The following ESYT2 variants were observed in gnomAD, a reference collection of about 807,000 sequenced individuals.
ESYT2 encodes the protein extended synaptotagmin 2.
Under a neutral mutation model 107.2 loss-of-function variants are expected in ESYT2, and 54 were observed. The ratio of observed to expected loss-of-function variants is 0.50; its 90% confidence interval spans 0.40 to 0.63. The LOEUF is 0.63. ESYT2 is among the 30% of genes least tolerant of loss of function. The pLI is 0.00. For missense variants in ESYT2, 1,020 were observed against 1,094.5 expected (o/e 0.93, Z 0.96); for synonymous variants, 491 against 434.1 (o/e 1.13, Z -1.63).
At chr7:158,797,570 T>C (rs764035590) in intron 3 of ESYT2, among the ~76,000 whole-genome samples, 8 of 152,008 alleles carry the variant, frequency 5.3e-5, no homozygotes, top group Non-Finnish European at 1.0e-4. Context: ...AAAATGTGTT[T>C]TTCGGCCAGG....
At chr7:158,821,784 C>G in intron 1 of ESYT2, among the ~76,000 whole-genome samples, 1 of 152,354 alleles carries the variant, frequency 6.6e-6, no homozygotes, top group East Asian at 1.9e-4. Flanking sequence ...CATTTCCCTC[C>G]AGATGAGACG....
intron 13 of ESYT2, among the ~76,000 whole-genome samples, chr7:158,755,671 A>G (rs933252053): frequency 2.0e-5 from 3 of 152,190 alleles, no homozygotes; most frequent in Non-Finnish European, 2.9e-5. Flanking sequence ...CTTTGACTTT[A>G]AAAAGGCCTT....
Position 158,751,156 on chromosome 7 carries a change from T to C in ESYT2, c.1483-1433A>G, listed in dbSNP as rs568239256. 3.3e-4 allele frequency among the ~76,000 whole-genome samples: 50 copies of C among 152,250 alleles called. No individual in the cohort carries two copies. The South Asian group carries it at 8.9e-3, about 27-fold the overall frequency. On this transcript the variant is annotated intron_variant, in intron 14 of 22. Transcript: ENST00000275418. The stretch of plus-strand genomic sequence containing the variant: ...ATAATATATACCTTTTTGGGGGAGG[T>C]TGGCAGTAGTGAGAGTTGTCACTGC...
intron 3 of ESYT2, among the ~76,000 whole-genome samples, chr7:158,795,248 C>T (rs1839423663): frequency 6.6e-6 from 1 of 152,194 alleles, no homozygotes; most frequent in African/African-American, 2.4e-5. Context: ...ACTTGTAAGA[C>T]ATTGGTACAG....
intron 18 of ESYT2, among the ~76,000 whole-genome samples, chr7:158,740,633 C>T (rs1348176554): frequency 6.6e-6 from 1 of 152,172 alleles, no homozygotes; most frequent in Non-Finnish European, 1.5e-5. Flanking sequence ...CCCCTAAGAT[C>T]ATTTCTACTT....
chr7:158,767,803 C>T lies in ESYT2; in HGVS notation c.804-29G>A, dbSNP rs377463871. The T allele has an allele frequency of 3.2e-5, 51 of 1,596,696 alleles. 1 individual carries two copies. The highest frequency in any genetic ancestry group is 2.4e-4 in the African/African-American group (18 of 74,680). ...TTAGTTGGGAGACAAAAAGAGCAAA[C>T]GGACTATCAGACATGTGAATGCTTC... On this transcript the variant is annotated intron_variant, in intron 7 of 22. Coordinates refer to ENST00000275418, the MANE Select transcript of ESYT2 (RefSeq NM_001367773.1).
intron 10 of ESYT2, among the ~76,000 whole-genome samples, 153 bp downstream of exon 10, chr7:158,762,930 T>G (rs1217833305): frequency 6.6e-6 from 1 of 152,244 alleles, no homozygotes; most frequent in Non-Finnish European, 1.5e-5. Flanking sequence ...AAAAATGTTT[T>G]AAGAAATCCA....
chr7:158,789,499 G>A (rs866580271), intron 4 of ESYT2, among the ~76,000 whole-genome samples: 1 of 152,032 alleles, frequency 6.6e-6, no homozygotes, highest in Non-Finnish European at 1.5e-5. Context: ...TGGGATTACA[G>A]GTGTGTGCCA....
intron 6 of ESYT2, among the ~76,000 whole-genome samples, chr7:158,779,541 A>T (rs192332599): frequency 6.6e-6 from 1 of 152,350 alleles, no homozygotes. Context: ...TAGAGGAAGT[A>T]ATCTTATCTG....
chr7:158,784,540 G>A (rs770449247), intron 6 of ESYT2, among the ~76,000 whole-genome samples: 2 of 152,246 alleles, frequency 1.3e-5, no homozygotes, highest in Non-Finnish European at 2.9e-5. Context: ...TGCAGAACCA[G>A]ATGAAGCTAG....
chr7:158,785,394 C>T (rs1172205204), intron 6 of ESYT2, among the ~76,000 whole-genome samples: 1 of 151,710 alleles, frequency 6.6e-6, no homozygotes, highest in Non-Finnish European at 1.5e-5. Flanking sequence ...CACTGCACTC[C>T]AGCCTGGGTG....
intron 18 of ESYT2, 129 bp from the exon 19 acceptor site, chr7:158,739,250 T>C (rs1587368595): frequency 4.2e-6 from 3 of 713,794 alleles, no homozygotes; most frequent in Non-Finnish European, 6.8e-6. Context: ...ACCCATGAAC[T>C]TAAACATAAT....
chr7:158,826,122 C>A (rs1228448202), intron 1 of ESYT2, among the ~76,000 whole-genome samples: 1 of 152,098 alleles, frequency 6.6e-6, no homozygotes, highest in Non-Finnish European at 1.5e-5. Flanking sequence ...TTTGACCACC[C>A]CCACCACCCC....
chr7:158,787,882 C>T, intron 6 of ESYT2, 122 bp downstream of exon 6: 1 of 719,838 alleles, frequency 1.4e-6, no homozygotes, highest in East Asian at 2.6e-5. Flanking sequence ...ACAGGATTCA[C>T]ACAACAGAAA....
chr7:158,773,525 T>C (rs1466148229), intron 6 of ESYT2, 129 bp from the exon 7 acceptor site: 2 of 807,696 alleles, frequency 2.5e-6, no homozygotes, highest in South Asian at 3.6e-5. Flanking sequence ...CCTTCATCCT[T>C]CGTAATATAC....
intron 1 of ESYT2, among the ~76,000 whole-genome samples, chr7:158,808,317 G>C (rs563032896): frequency 2.0e-5 from 3 of 152,306 alleles, no homozygotes; most frequent in African/African-American, 7.2e-5. Flanking sequence ...AGCCCCGTCC[G>C]GCACGTTCGC....
chr7:158,781,854 G>A (rs916242707), intron 6 of ESYT2, among the ~76,000 whole-genome samples: 11 of 146,596 alleles, frequency 7.5e-5, no homozygotes, highest in African/African-American at 2.8e-4. Context: ...TGAACAAAGT[G>A]AGGTGTAAGT....
In ESYT2 at chr7:158,792,410, C is replaced by G. The variant is rs118017344; in HGVS notation, c.584+1240G>C. Among the ~76,000 whole-genome samples the G allele has an allele frequency of 3.0e-3, 447 of 151,516 alleles. 13 individuals are homozygous for G. The East Asian group carries it at 0.074, about 25-fold the overall frequency. On this transcript the variant is annotated intron_variant, in intron 4 of 22. Coordinates refer to ENST00000275418, the MANE Select transcript of ESYT2 (RefSeq NM_001367773.1). ...ACACGTGGTGGCATGCACCTGTAGTCTCAGCTACTCGGCAGGCTGAGGTGA... is the reference window on the plus strand; with the variant it reads ...ACACGTGGTGGCATGCACCTGTAGTGTCAGCTACTCGGCAGGCTGAGGTGA...
chr7:158,742,301 C>T (rs570573385), intron 17 of ESYT2, among the ~76,000 whole-genome samples: 1 of 152,212 alleles, frequency 6.6e-6, no homozygotes, highest in Non-Finnish European at 1.5e-5. Context: ...AGGCCACCCC[C>T]CTGAAGCTGA....
Sources: gnomAD v4.1 joint callset for allele counts (sites outside exome capture counted in the v4.1 genomes callset) on GRCh38, gnomAD v4.1.1 for gene constraint, MANE v1.5 for transcripts, NCBI Gene and HGNC (gene_info 2026-07-23, HGNC 2026-07-21) for gene names.